The following CFAP299 variants were observed in gnomAD, a reference collection of about 807,000 sequenced individuals.
The protein encoded by CFAP299 is cilia- and flagella-associated protein 299.
In CFAP299, 21 loss-of-function variants were observed where a neutral mutation model predicts 27.0. The observed-to-expected ratio is 0.78, with a 90% CI of 0.55 to 1.12. The LOEUF (loss-of-function observed/expected upper bound fraction) is 1.12, where lower values mean the gene tolerates loss of function less well. Among genes scored for constraint, CFAP299 ranks in the 50% most tolerant of loss-of-function variants. CFAP299 has a pLI of 0.00. For missense variants in CFAP299, 310 were observed against 276.6 expected (o/e 1.12, Z -0.86); for synonymous variants, 104 against 98.1 (o/e 1.06, Z -0.36).
At position 80,875,986 on chromosome 4, in the gene CFAP299, G is replaced by A. The variant is rs943541198; in HGVS notation, c.476+5851G>A. ...GGTCTCCCTCAGGTTGTTCCATACCGTGGTTACAAGGTTGAACTGCGTCAG... is the reference window on the plus strand; with the variant it reads ...GGTCTCCCTCAGGTTGTTCCATACCATGGTTACAAGGTTGAACTGCGTCAG... On this transcript the variant is annotated intron_variant, in intron 4 of 5. Coordinates refer to ENST00000358105, the MANE Select transcript of CFAP299 (RefSeq NM_152770.3). Among the ~76,000 whole-genome samples, 10 of 152,072 alleles carry A rather than the reference G, an allele frequency of 6.6e-5. No individual in the cohort carries two copies. The East Asian group carries it at 1.2e-3, about 18-fold the overall frequency.
At chr4:80,800,709 T>G (rs1481000092) in intron 3 of CFAP299, among the ~76,000 whole-genome samples, 3 of 113,080 alleles carry the variant, frequency 2.7e-5, no homozygotes, top group Non-Finnish European at 5.0e-5. Flanking sequence ...TATATGAGTT[T>G]TTATGTATGA....
intron 3 of CFAP299, among the ~76,000 whole-genome samples, chr4:80,737,518 T>C (rs1233448260): frequency 6.6e-6 from 1 of 152,092 alleles, no homozygotes; most frequent in African/African-American, 2.4e-5. Flanking sequence ...TCTTTGTAGG[T>C]TTATGTGTCT....
At chr4:80,669,351 C>A (rs1247542350) in intron 3 of CFAP299, among the ~76,000 whole-genome samples, 1 of 151,308 alleles carries the variant, frequency 6.6e-6, no homozygotes, top group Non-Finnish European at 1.5e-5. Context: ...TGGGGTTTCA[C>A]CATGTTGGCC....
At chr4:80,683,705 G>A (rs2110007616) in intron 3 of CFAP299, among the ~76,000 whole-genome samples, 1 of 152,274 alleles carries the variant, frequency 6.6e-6, no homozygotes, top group Non-Finnish European at 1.5e-5. Flanking sequence ...TTGGAAATAA[G>A]TAAACTTATA....
intron 2 of CFAP299, among the ~76,000 whole-genome samples, chr4:80,399,011 C>G (rs547797078): frequency 6.7e-6 from 1 of 149,208 alleles, no homozygotes; most frequent in African/African-American, 2.5e-5. Context: ...ACAAACAACT[C>G]CATCAAAAAG....
chr4:80,691,840 G>C (rs1172137710), intron 3 of CFAP299, among the ~76,000 whole-genome samples: 2 of 152,200 alleles, frequency 1.3e-5, no homozygotes, highest in Non-Finnish European at 1.5e-5. Flanking sequence ...AGCAAATTCA[G>C]CAAAGTCTCA....
chr4:80,823,377 A>G (rs1729812295), intron 3 of CFAP299, among the ~76,000 whole-genome samples: 1 of 152,112 alleles, frequency 6.6e-6, no homozygotes, highest in South Asian at 2.1e-4. Flanking sequence ...CATTTTTAAA[A>G]TTGTTTTTAT....
chr4:80,840,421 T>TA (rs1730800096), intron 3 of CFAP299, among the ~76,000 whole-genome samples: 1 of 152,150 alleles, frequency 6.6e-6, no homozygotes, highest in Non-Finnish European at 1.5e-5. Context: ...AGGTAAATGT[T>TA]ACCGGGTTAT....
intron 3 of CFAP299, among the ~76,000 whole-genome samples, chr4:80,753,267 T>C (rs1725038366): frequency 6.6e-6 from 1 of 152,134 alleles, no homozygotes; most frequent in Admixed American, 6.5e-5. Flanking sequence ...ATTTTATAAT[T>C]CTAGATTGAC....
intron 2 of CFAP299, among the ~76,000 whole-genome samples, chr4:80,423,050 A>G (rs1334925737): frequency 6.6e-6 from 1 of 152,220 alleles, no homozygotes; most frequent in Admixed American, 6.5e-5. Context: ...TAAACTTATA[A>G]AAGTCACAGT....
At chr4:80,338,829 T>G (rs531585785) in intron 1 of CFAP299, among the ~76,000 whole-genome samples, 17 of 152,352 alleles carry the variant, frequency 1.1e-4, no homozygotes, top group Admixed American at 9.8e-4. Context: ...TTCCAGGTAC[T>G]CTTGTATTGT....
chr4:80,727,550 T>C (rs908009905), intron 3 of CFAP299, among the ~76,000 whole-genome samples: 3 of 152,122 alleles, frequency 2.0e-5, no homozygotes, highest in African/African-American at 7.2e-5. Context: ...CACTGTCTTG[T>C]GGAGCCATGG....
chr4:80,390,578 CATATATGT>C (rs1162536167), intron 2 of CFAP299, among the ~76,000 whole-genome samples: 9 of 27,312 alleles, frequency 3.3e-4, no homozygotes, highest in East Asian at 3.6e-3. Flanking sequence ...TGTATACACA[CATATATGT>C]ATATATGTAT....
intron 3 of CFAP299, among the ~76,000 whole-genome samples, chr4:80,819,180 C>T (rs1363586579): frequency 6.6e-6 from 1 of 151,938 alleles, no homozygotes; most frequent in Non-Finnish European, 1.5e-5. Flanking sequence ...TTTATGACAG[C>T]TTCAAGCAGA....
intron 3 of CFAP299, among the ~76,000 whole-genome samples, chr4:80,748,073 C>T (rs1161768791): frequency 6.6e-6 from 1 of 152,040 alleles, no homozygotes; most frequent in Non-Finnish European, 1.5e-5. Context: ...GTTGTCTAGC[C>T]AGGTAAATCA....
chr4:80,510,006 C>A (rs1732218706), intron 2 of CFAP299, among the ~76,000 whole-genome samples: 1 of 152,058 alleles, frequency 6.6e-6, no homozygotes. Flanking sequence ...GAGTCCTAAC[C>A]TTGGAAGAGG....
chr4:80,465,928 A>G (rs1729678898), intron 2 of CFAP299, among the ~76,000 whole-genome samples: 1 of 152,236 alleles, frequency 6.6e-6, no homozygotes. Context: ...CACAACCCTG[A>G]GGATTGCAGC....
At chr4:80,711,078 C>T (rs1359340287) in intron 3 of CFAP299, among the ~76,000 whole-genome samples, 1 of 152,136 alleles carries the variant, frequency 6.6e-6, no homozygotes, top group Non-Finnish European at 1.5e-5. Context: ...GGTATAATTG[C>T]CCTGCTGACA....
chr4:80,847,748 C>T (rs1364232098), intron 3 of CFAP299, among the ~76,000 whole-genome samples: 1 of 152,168 alleles, frequency 6.6e-6, no homozygotes, highest in Non-Finnish European at 1.5e-5. Flanking sequence ...ACTCAATAAA[C>T]AATAGCTTTT....
Sources: gnomAD v4.1 joint callset for allele counts (sites outside exome capture counted in the v4.1 genomes callset) on GRCh38, gnomAD v4.1.1 for gene constraint, MANE v1.5 for transcripts, NCBI Gene and HGNC (gene_info 2026-07-23, HGNC 2026-07-21) for gene names.